The following BTAF1 variants were observed in gnomAD, a reference collection of about 807,000 sequenced individuals.
BTAF1 encodes TATA-binding protein-associated factor 172.
In BTAF1, 38 loss-of-function variants were observed where a neutral mutation model predicts 227.1. That is an observed-to-expected ratio of 0.17 (90% CI 0.13 to 0.22). The LOEUF is 0.22. BTAF1 is among the 10% of genes least tolerant of loss of function. The pLI is 1.00. For missense variants in BTAF1, 1,598 were observed against 2,204.0 expected, an observed-to-expected ratio of 0.73 and a Z score of 5.51; for synonymous variants, 742 against 751.9, an observed-to-expected ratio of 0.99 and a Z score of 0.21.
At chr10:91,929,263 G>A (rs897397800) in intron 1 of BTAF1, among the ~76,000 whole-genome samples, 1 of 152,188 alleles carries the variant, frequency 6.6e-6, no homozygotes, top group Non-Finnish European at 1.5e-5. Context: ...TAGGAACATA[G>A]TTTTTCCTTA....
At chr10:91,949,641 GATTTTAGCTTTA>G in intron 4 of BTAF1, among the ~76,000 whole-genome samples, 1 of 126,356 alleles carries the variant, frequency 7.9e-6, no homozygotes, top group South Asian at 3.1e-4. Flanking sequence ...TAGCTTTTTA[GATTTTAGCTTTA>G]GCTGCATTGT....
At chr10:92,010,906 A>G (rs1850246302) in intron 28 of BTAF1, among the ~76,000 whole-genome samples, 167 bp from the exon 29 acceptor site, 1 of 152,252 alleles carries the variant, frequency 6.6e-6, no homozygotes, top group Non-Finnish European at 1.5e-5. Context: ...TGAGTAGGGC[A>G]ACACAGCCAG....
chr10:92,001,961 A>C (rs1197094797), intron 25 of BTAF1, among the ~76,000 whole-genome samples: 3 of 112,452 alleles, frequency 2.7e-5, no homozygotes, highest in Admixed American at 1.0e-4. Flanking sequence ...AAAAAAAAAA[A>C]AAAAAACCAT....
chr10:91,989,331 C>A lies in BTAF1; in HGVS notation c.2605C>A (p.Gln869Lys), dbSNP rs866146972. 1 of 1,614,122 alleles carries A rather than the reference C, an allele frequency of 6.2e-7. No individual in the cohort carries two copies. The highest frequency in any genetic ancestry group is 8.5e-7 in the Non-Finnish European group (1 of 1,180,018). ...TGCCTGTGCAGTTGTGAGCTTGCAG[C>A]AGCTTCCGGAGAAATTAAATCCTAT... ...FAACAVVSLQ[Q>K]LPEKLNPIIK... Residue 869 changes from glutamine (Q) to lysine (K), a missense_variant, in exon 20 of 38, where the codon CAG becomes AAG. By Grantham distance (53) the Gln-to-Lys change is moderately conservative. Transcript: ENST00000265990.
intron 1 of BTAF1, among the ~76,000 whole-genome samples, chr10:91,924,857 T>C (rs1345971285): frequency 6.6e-6 from 1 of 152,252 alleles, no homozygotes; most frequent in African/African-American, 2.4e-5. Context: ...GGTGACCCTC[T>C]GTACATGTAA....
chr10:92,002,016 T>A lies in BTAF1; in HGVS notation c.3660+4265T>A, dbSNP rs2676805. On this transcript the variant is annotated intron_variant, in intron 25 of 37. Coordinates refer to ENST00000265990, the MANE Select transcript of BTAF1 (RefSeq NM_003972.3). ...CACACACACACACACACACACACACTCCATATATTCAAGGTAGAGGAGGAA... is the reference window on the plus strand; with the variant it reads ...CACACACACACACACACACACACACACCATATATTCAAGGTAGAGGAGGAA... Among the ~76,000 whole-genome samples the A allele has an allele frequency of 4.2e-4, 27 of 64,054 alleles. 1 individual carries two copies. Among genetic ancestry groups the A allele is most frequent in the East Asian group, 1.8e-3 (2 of 1,112 alleles). The allele number at this position is 64,054 out of a possible 152,430, so 42.0% of individuals were successfully genotyped here.
intron 12 of BTAF1, 100 bp from the exon 13 acceptor site, chr10:91,963,977 T>C: frequency 7.9e-7 from 1 of 1,266,976 alleles, no homozygotes; most frequent in South Asian, 1.4e-5. Flanking sequence ...TGGAATTGCA[T>C]GTGTTGTTGA....
At position 92,029,173 on chromosome 10, in the gene BTAF1, G is replaced by A. The variant is rs1213858245; in HGVS notation, c.*240G>A. The A allele has an allele frequency of 5.7e-6, 2 of 349,966 alleles. No homozygotes were observed. Among genetic ancestry groups the A allele is most frequent in the Non-Finnish European group, 5.0e-6 (1 of 201,188 alleles). The allele number at this position is 349,966 out of a possible 1,614,324, so 21.7% of individuals were successfully genotyped here. ...ATTTTACATGCTGAAAAGCTGCAGA[G>A]CAGAGGAACCAAACCAGGTTTATTT... On this transcript the variant is annotated 3_prime_UTR_variant, in exon 38 of 38. Coordinates refer to ENST00000265990, the MANE Select transcript of BTAF1 (RefSeq NM_003972.3).
chr10:91,993,162 A>G (rs969813738), intron 21 of BTAF1, among the ~76,000 whole-genome samples: 4 of 152,226 alleles, frequency 2.6e-5, no homozygotes, highest in African/African-American at 7.2e-5. Context: ...TGATATTTAT[A>G]TCTCTAGTTT....
In BTAF1 at chr10:91,924,056, C is replaced by T; in HGVS notation, c.-21C>T. ...CGCGGCGCGTAGGTCGCGGGGAGCT[C>T]CGAACCGCCGGCGCCCGGCCATGGC... On this transcript the variant is annotated 5_prime_UTR_variant, in exon 1 of 38. Transcript: ENST00000265990. The T allele has an allele frequency of 6.2e-7, 1 of 1,607,070 alleles. No homozygotes were observed. The highest frequency in any genetic ancestry group is 8.5e-7 in the Non-Finnish European group (1 of 1,177,986).
intron 1 of BTAF1, among the ~76,000 whole-genome samples, chr10:91,930,171 TAAG>T (rs1011013758): frequency 1.2e-4 from 18 of 152,092 alleles, no homozygotes; most frequent in East Asian, 7.7e-4. Context: ...TATGTATTAA[TAAG>T]AAGTTTTAAA....
intron 19 of BTAF1, among the ~76,000 whole-genome samples, chr10:91,985,875 A>G (rs930422384): frequency 6.6e-6 from 1 of 152,080 alleles, no homozygotes; most frequent in Non-Finnish European, 1.5e-5. Context: ...TGTCAAGTAG[A>G]TGCTTTCTGA....
chr10:92,001,356 T>C (rs1231535453), intron 25 of BTAF1, among the ~76,000 whole-genome samples: 1 of 152,162 alleles, frequency 6.6e-6, no homozygotes, highest in Non-Finnish European at 1.5e-5. Flanking sequence ...TACTGTGACA[T>C]CTTTGAGACT....
Position 91,962,582 on chromosome 10 carries a change from T to C in BTAF1, c.1308T>C (p.Ile436=), listed in dbSNP as rs765435312. The C allele has an allele frequency of 6.3e-7, 1 of 1,598,808 alleles. No homozygotes were observed. Among genetic ancestry groups the C allele is most frequent in the Middle Eastern group, 1.7e-4 (1 of 6,022 alleles). The change falls in exon 12 of 38, where the codon ATT becomes ATC. Residue 436 remains isoleucine (I), a synonymous_variant. Coordinates refer to ENST00000265990, the MANE Select transcript of BTAF1 (RefSeq NM_003972.3). ...TGCCTAAAGTTTTAACTAGAATAAT[T>C]GAAGGACTCCAGGATCTTGATGATG... ...TLLPKVLTRI[I]EGLQDLDDDV... is the part of the protein sequence containing the mutation.
intron 19 of BTAF1, among the ~76,000 whole-genome samples, chr10:91,987,501 T>G (rs1159020143): frequency 1.3e-5 from 2 of 151,670 alleles, no homozygotes; most frequent in Non-Finnish European, 2.9e-5. Context: ...AAAGAAAGTC[T>G]CATGTTTAAT....
intron 2 of BTAF1, 45 bp from the exon 3 acceptor site, chr10:91,939,907 A>T (rs189241275): frequency 7.3e-7 from 1 of 1,366,322 alleles, no homozygotes; most frequent in East Asian, 2.4e-5. Flanking sequence ...TACCTTGCGC[A>T]AACAATATTT....
intron 34 of BTAF1, among the ~76,000 whole-genome samples, chr10:92,021,339 G>A (rs1266808295): frequency 6.6e-6 from 1 of 152,168 alleles, no homozygotes; most frequent in South Asian, 2.1e-4. Context: ...TTTTGACTAT[G>A]TGAGACTTAG....
intron 14 of BTAF1, among the ~76,000 whole-genome samples, chr10:91,971,032 C>T (rs1320179611): frequency 6.6e-6 from 1 of 152,184 alleles, no homozygotes; most frequent in Non-Finnish European, 1.5e-5. Flanking sequence ...TCCCTTTAGA[C>T]TTTTAAAACA....
At chr10:92,007,442 C>T (rs1286838500) in intron 25 of BTAF1, among the ~76,000 whole-genome samples, 1 of 151,982 alleles carries the variant, frequency 6.6e-6, no homozygotes, top group Non-Finnish European at 1.5e-5. Flanking sequence ...GTCTTGAACT[C>T]CTGACCTCAA....
Sources: gnomAD v4.1 joint callset for allele counts (sites outside exome capture counted in the v4.1 genomes callset) on GRCh38, gnomAD v4.1.1 for gene constraint, MANE v1.5 for transcripts, NCBI Gene and HGNC (gene_info 2026-07-23, HGNC 2026-07-21) for gene names.